ARHGAP35: variants seen among roughly 807,000 people sequenced by gnomAD.
ARHGAP35 encodes the protein Rho GTPase activating protein 35.
Under a neutral mutation model 111.1 loss-of-function variants are expected in ARHGAP35, and 15 were observed. That is an observed-to-expected ratio of 0.13 (90% CI 0.09 to 0.21). ARHGAP35 has a LOEUF of 0.21. Among genes scored for constraint, ARHGAP35 ranks in the 10% least tolerant of loss-of-function variants. The probability of loss-of-function intolerance (pLI) is 1.00; values close to 1 mark genes in which losing one functional copy is unlikely to be tolerated. For synonymous variants in ARHGAP35, 643 were observed against 710.3 expected, an observed-to-expected ratio of 0.91 and a Z score of 1.51; for missense variants, 1,262 against 1,873.0, an observed-to-expected ratio of 0.67 and a Z score of 6.02.
rs16980767 is a variant in ARHGAP35, at chr19:46,922,450, T to TAA, written c.3681+103_3681+104dup. 145 of 1,114,556 alleles carry TAA rather than the reference T, an allele frequency of 1.3e-4. No homozygotes were observed. The highest frequency in any genetic ancestry group is 5.3e-4 in the East Asian group (17 of 32,274). The allele number at this position is 1,114,556 out of a possible 1,614,324, so 69.0% of individuals were successfully genotyped here. ...ATTTTTCAAGGACAACCTATTCTGG[T>TAA]AAAAAAAAAACTGCCCTGTGTGTGT... On this transcript the variant is annotated intron_variant, in intron 2 of 6. Coordinates refer to ENST00000672722, the MANE Select transcript of ARHGAP35 (RefSeq NM_004491.5). This position sits in a 1 kb window ranked among gnomAD's most constrained non-coding sequence, Gnocchi z 4.0.
At chr19:46,985,255 T>G (rs866435659) in intron 3 of ARHGAP35, among the ~76,000 whole-genome samples, 12 of 152,338 alleles carry the variant, frequency 7.9e-5, no homozygotes, top group African/African-American at 2.9e-4. Flanking sequence ...TAACTAGTGC[T>G]GGTGAGCAGG....
At chr19:46,912,958 C>T (rs971409582) in intron 1 of ARHGAP35, among the ~76,000 whole-genome samples, 1 of 151,846 alleles carries the variant, frequency 6.6e-6, no homozygotes. Flanking sequence ...CTGTTAGTTA[C>T]GATGTATATT....
At position 46,919,557 on chromosome 19, in the gene ARHGAP35, T is replaced by C. The variant is rs769536410; in HGVS notation, c.882T>C (p.Ser294=). 6.8e-6 allele frequency: 11 copies of C among 1,613,786 alleles called. No individual in the cohort carries two copies. The highest frequency in any genetic ancestry group is 1.1e-5 in the South Asian group (1 of 91,068). The stretch of plus-strand genomic sequence containing the variant: ...AAAACCACAATGAGAACTGGCTGAG[T>C]GTCAGCCGAAAGATGCAGGCCTCTC... The part of the protein sequence containing the change: ...IVKNHNENWL[S]VSRKMQASPE... The change falls in exon 2 of 7, where the codon AGT becomes AGC. Residue 294 remains serine, a synonymous_variant. Coordinates refer to ENST00000672722, the MANE Select transcript of ARHGAP35 (RefSeq NM_004491.5). The surrounding 1 kb of genome is among the most constrained non-coding windows in gnomAD (Gnocchi z 6.2).
At position 46,993,611 on chromosome 19, in the gene ARHGAP35, G is replaced by A. The variant is rs1298079344; in HGVS notation, c.4036+3936G>A. Among the ~76,000 whole-genome samples the A allele has an allele frequency of 6.6e-6, 1 of 152,152 alleles. No homozygotes were observed. Among genetic ancestry groups the A allele is most frequent in the East Asian group, 1.9e-4 (1 of 5,196 alleles). On this transcript the variant is annotated intron_variant, in intron 5 of 6. Coordinates refer to ENST00000672722, the MANE Select transcript of ARHGAP35 (RefSeq NM_004491.5). The surrounding 1 kb of genome is among the most constrained non-coding windows in gnomAD (Gnocchi z 4.6). Reference sequence around the variant, plus strand: ...CCCCTCCCCTCCCTCCTGAGTTCTTGGGGTCTCTATTGTACTAAATTGCTG... The same window carrying A: ...CCCCTCCCCTCCCTCCTGAGTTCTTAGGGTCTCTATTGTACTAAATTGCTG...
intron 2 of ARHGAP35, among the ~76,000 whole-genome samples, chr19:46,923,200 G>T (rs532657505): frequency 6.6e-6 from 1 of 151,870 alleles, no homozygotes; most frequent in African/African-American, 2.4e-5. Flanking sequence ...CGCCTCCTGG[G>T]TTCACGCCAT....
intron 1 of ARHGAP35, among the ~76,000 whole-genome samples, chr19:46,876,375 A>C (rs958994118): frequency 1.3e-5 from 2 of 150,818 alleles, no homozygotes; most frequent in Non-Finnish European, 3.0e-5. Context: ...ATTTTTTTTA[A>C]ATTTTTTTTT....
chr19:46,984,744 A>ATCTAGTGT (rs2056639637), intron 3 of ARHGAP35, among the ~76,000 whole-genome samples: 1 of 152,198 alleles, frequency 6.6e-6, no homozygotes, highest in Non-Finnish European at 1.5e-5. Flanking sequence ...CGTGCTTTCC[A>ATCTAGTGT]GTGCTTCCAT....
intron 3 of ARHGAP35, among the ~76,000 whole-genome samples, chr19:46,954,149 GC>G (rs1197648121): frequency 6.6e-6 from 1 of 152,158 alleles, no homozygotes; most frequent in Non-Finnish European, 1.5e-5. Context: ...AAATAGGCTG[GC>G]CCCTCGATCT....
intron 1 of ARHGAP35, among the ~76,000 whole-genome samples, chr19:46,861,902 C>G (rs1001244198): frequency 7.7e-6 from 1 of 129,402 alleles, no homozygotes; most frequent in African/African-American, 3.2e-5. Context: ...ATCCCGTTCC[C>G]TCGTGGGCCC....
At chr19:46,965,924 C>A (rs955950040) in intron 3 of ARHGAP35, among the ~76,000 whole-genome samples, 4 of 152,152 alleles carry the variant, frequency 2.6e-5, no homozygotes, top group Admixed American at 2.6e-4. Context: ...CCATTAGATG[C>A]TGGAGGCTAA....
intron 1 of ARHGAP35, among the ~76,000 whole-genome samples, chr19:46,881,795 TAG>T (rs1278834398): frequency 1.3e-5 from 2 of 152,230 alleles, no homozygotes; most frequent in African/African-American, 2.4e-5. Context: ...TCTCTAGCTA[TAG>T]AAGTCCTAGA....
intron 5 of ARHGAP35, among the ~76,000 whole-genome samples, chr19:46,998,823 G>A (rs374609717): frequency 2.6e-5 from 4 of 152,222 alleles, no homozygotes; most frequent in East Asian, 3.9e-4. Flanking sequence ...ATGTGTGGAC[G>A]GTCCCTGTGT....
intron 3 of ARHGAP35, among the ~76,000 whole-genome samples, chr19:46,971,011 C>T (rs752463091): frequency 1.9e-4 from 29 of 152,160 alleles, no homozygotes; most frequent in Admixed American, 1.8e-3. Context: ...TATACTCACA[C>T]GACACACAGG....
chr19:46,882,257 C>G lies in ARHGAP35; in HGVS notation c.-189+21048C>G, dbSNP rs1210251962. 3.3e-5 allele frequency among the ~76,000 whole-genome samples: 5 copies of G among 151,836 alleles called. No individual in the cohort carries two copies. In the South Asian group the frequency reaches 8.3e-4, roughly 25 times the overall value. On this transcript the variant is annotated intron_variant, in intron 1 of 6. Coordinates refer to ENST00000672722, the MANE Select transcript of ARHGAP35 (RefSeq NM_004491.5). ...CAAGCAGTCCCCCCACCTCAACCCC[C>G]CCAGGTTGCTGGGATTGCAGGCATA...
chr19:46,962,777 C>G (rs2056492129), intron 3 of ARHGAP35, among the ~76,000 whole-genome samples: 1 of 152,162 alleles, frequency 6.6e-6, no homozygotes, highest in Non-Finnish European at 1.5e-5. Flanking sequence ...CCACACCCAG[C>G]TAATTTTTGT....
chr19:46,923,102 CTTTTTT>C (rs397976247), intron 2 of ARHGAP35, among the ~76,000 whole-genome samples: 3 of 123,660 alleles, frequency 2.4e-5, no homozygotes, highest in Non-Finnish European at 5.0e-5. Flanking sequence ...AATGAAGTCT[CTTTTTT>C]TTTTTTTTTT....
intron 3 of ARHGAP35, among the ~76,000 whole-genome samples, chr19:46,983,224 G>C (rs2056630760): frequency 6.6e-6 from 1 of 152,044 alleles, no homozygotes; most frequent in Non-Finnish European, 1.5e-5. Context: ...CATAGAAGAA[G>C]AACTCAGGTA....
At chr19:46,885,784 TA>T (rs1020943257) in intron 1 of ARHGAP35, among the ~76,000 whole-genome samples, 6 of 152,080 alleles carry the variant, frequency 3.9e-5, no homozygotes, top group African/African-American at 1.4e-4. Context: ...TGGATTTTTT[TA>T]ATCTTAATTT....
chr19:46,970,098 G>T (rs2056537079), intron 3 of ARHGAP35, among the ~76,000 whole-genome samples: 1 of 152,202 alleles, frequency 6.6e-6, no homozygotes. Flanking sequence ...TCCACGGATT[G>T]AATTAGATTG....
Sources: allele counts gnomAD v4.1 joint callset (sites outside exome capture counted in the v4.1 genomes callset), GRCh38; gene constraint gnomAD v4.1.1; non-coding constraint Gnocchi (gnomAD v3.1); transcripts MANE v1.5; gene names NCBI Gene and HGNC (gene_info 2026-07-23, HGNC 2026-07-21).